Variants in SMCHD1 observed in about 807,000 individuals in gnomAD.
The protein encoded by SMCHD1 is structural maintenance of chromosomes flexible hinge domain-containing protein 1.
A neutral mutation model predicts 254.7 loss-of-function variants in SMCHD1; 78 were observed. That is an observed-to-expected ratio of 0.31 (90% CI 0.26 to 0.37). The LOEUF (loss-of-function observed/expected upper bound fraction) is 0.37, where lower values mean the gene tolerates loss of function less well. Ranked by LOEUF, SMCHD1 falls within the 10% of genes least tolerant of loss-of-function variation. The probability of loss-of-function intolerance (pLI) is 1.00; values close to 1 mark genes in which losing one functional copy is unlikely to be tolerated. For synonymous variants in SMCHD1, 766 were observed against 794.9 expected, an observed-to-expected ratio of 0.96 and a Z score of 0.61; for missense variants, 1,840 against 2,408.1, an observed-to-expected ratio of 0.76 and a Z score of 4.94.
intron 17 of SMCHD1, among the ~76,000 whole-genome samples, chr18:2,713,815 T>C (rs936595860): frequency 2.0e-5 from 3 of 152,258 alleles, no homozygotes; most frequent in Non-Finnish European, 4.4e-5. Flanking sequence ...TCTAGTTTTA[T>C]TCCACTATGG....
chr18:2,745,853 A>C (rs946696962), intron 29 of SMCHD1, among the ~76,000 whole-genome samples: 4 of 152,254 alleles, frequency 2.6e-5, no homozygotes, highest in African/African-American at 7.2e-5. Context: ...TTATATATAG[A>C]TGAGGCTAGA....
intron 45 of SMCHD1, among the ~76,000 whole-genome samples, chr18:2,788,431 C>T (rs2076271756): frequency 6.6e-6 from 1 of 152,026 alleles, no homozygotes. Flanking sequence ...TGTGTGTATT[C>T]GTTAGCACAT....
chr18:2,738,354 T>C (rs139785567), intron 25 of SMCHD1, 43 bp from the exon 26 acceptor site: 1 of 1,491,150 alleles, frequency 6.7e-7, no homozygotes, highest in Non-Finnish European at 9.0e-7. Flanking sequence ...AAGAGAACAT[T>C]AGACGAAGCT....
intron 25 of SMCHD1, 36 bp downstream of exon 25, chr18:2,732,528 CT>C: frequency 7.3e-7 from 1 of 1,369,064 alleles, no homozygotes; most frequent in Non-Finnish European, 1.0e-6. Flanking sequence ...TTTGTAAGAA[CT>C]TTTTAAATTT....
At chr18:2,682,504 T>C (rs1436041194) in intron 5 of SMCHD1, among the ~76,000 whole-genome samples, 1 of 152,120 alleles carries the variant, frequency 6.6e-6, no homozygotes, top group African/African-American at 2.4e-5. Flanking sequence ...GTACTTTTAG[T>C]AGAGGTGAGG....
intron 45 of SMCHD1, among the ~76,000 whole-genome samples, chr18:2,791,495 G>C (rs1363142222): frequency 6.6e-6 from 1 of 152,212 alleles, no homozygotes; most frequent in Admixed American, 6.5e-5. Flanking sequence ...TGTGAGCCGT[G>C]ATTGAGCTAC....
chr18:2,717,342 A>C (rs192213114), intron 17 of SMCHD1, among the ~76,000 whole-genome samples: 6 of 152,250 alleles, frequency 3.9e-5, no homozygotes, highest in Admixed American at 2.6e-4. Flanking sequence ...CAAAGTATCC[A>C]AAGTTTCTTT....
At position 2,748,370 on chromosome 18, in the gene SMCHD1, GTGTGTGTGTGTGTATA is replaced by G. The variant is rs1234808888; in HGVS notation, c.3927+725_3927+740del. On this transcript the variant is annotated intron_variant, in intron 30 of 47. Transcript: ENST00000320876. ...TGTGTGTGTGTGTGTGTGTGTGTGT[GTGTGTGTGTGTGTATA>G]TAAATTTTTTTTTTTTTTTTTTTGG... Among the ~76,000 whole-genome samples, 36 of 40,562 alleles carry G rather than the reference GTGTGTGTGTGTGTATA, an allele frequency of 8.9e-4. No homozygotes were observed. In the East Asian group the frequency reaches 0.023, roughly 25 times the overall value. The allele number at this position is 40,562 out of a possible 152,430, so 26.6% of individuals were successfully genotyped here.
Position 2,700,832 on chromosome 18 carries a change from G to A in SMCHD1, c.1561G>A (p.Val521Ile). 1 of 1,613,350 alleles carries A rather than the reference G, an allele frequency of 6.2e-7. No homozygotes were observed. The highest frequency in any genetic ancestry group is 8.5e-7 in the Non-Finnish European group (1 of 1,179,580). Residue 521 changes from valine to isoleucine, a missense_variant, in exon 12 of 48, where the codon GTC (valine) becomes ATC (isoleucine). Val to Ile is a conservative substitution (Grantham distance 29). Transcript: ENST00000320876. ...GALFTNDKFQVSTNKLTFMDL... is the reference protein window; with the variant it reads ...GALFTNDKFQISTNKLTFMDL... Reference sequence around the variant, plus strand: ...ATTATTCACTAATGACAAATTCCAGGTCAGCACAAATAAATTGACGTTTAT... The same window carrying A: ...ATTATTCACTAATGACAAATTCCAGATCAGCACAAATAAATTGACGTTTAT...
chr18:2,668,736 C>T (rs1318771775), intron 3 of SMCHD1, among the ~76,000 whole-genome samples: 4 of 152,126 alleles, frequency 2.6e-5, no homozygotes, highest in South Asian at 2.1e-4. Context: ...TCTGACCAGA[C>T]GTTTTCGCCT....
intron 7 of SMCHD1, among the ~76,000 whole-genome samples, chr18:2,693,119 T>A (rs888861407): frequency 1.2e-4 from 19 of 152,384 alleles, no homozygotes; most frequent in African/African-American, 4.6e-4. Context: ...AGACAAATTC[T>A]GAAAGAGCTG....
chr18:2,775,961 A>G, intron 42 of SMCHD1, 37 bp downstream of exon 42: 1 of 1,479,214 alleles, frequency 6.8e-7, no homozygotes, highest in Admixed American at 2.7e-5. Context: ...TTTCTGAAAT[A>G]TATTTTCTGT....
At chr18:2,701,526 G>A (rs1252555239) in intron 12 of SMCHD1, among the ~76,000 whole-genome samples, 1 of 152,114 alleles carries the variant, frequency 6.6e-6, no homozygotes, top group Non-Finnish European at 1.5e-5. Flanking sequence ...GAACATGTAT[G>A]AACAATTGTA....
At chr18:2,692,336 C>T (rs937505906) in intron 7 of SMCHD1, among the ~76,000 whole-genome samples, 1 of 152,104 alleles carries the variant, frequency 6.6e-6, no homozygotes, top group Non-Finnish European at 1.5e-5. Context: ...ATCTCTTGAG[C>T]CCAGGAGTTC....
intron 36 of SMCHD1, among the ~76,000 whole-genome samples, chr18:2,762,819 C>G (rs1310324796): frequency 2.6e-5 from 4 of 152,150 alleles, no homozygotes; most frequent in African/African-American, 9.7e-5. Flanking sequence ...CTTTACTCAC[C>G]TGTTTAGTGT....
chr18:2,672,745 G>A (rs946964067), intron 3 of SMCHD1, among the ~76,000 whole-genome samples: 3 of 152,308 alleles, frequency 2.0e-5, no homozygotes, highest in South Asian at 4.1e-4. Flanking sequence ...TAGCAGTTCT[G>A]TGTCAGTTGA....
At chr18:2,787,340 T>C (rs1326934576) in intron 45 of SMCHD1, among the ~76,000 whole-genome samples, 1 of 152,140 alleles carries the variant, frequency 6.6e-6, no homozygotes, top group Non-Finnish European at 1.5e-5. Context: ...AACACCACCA[T>C]ACCAGGGATC....
At chr18:2,797,441 C>G (rs1469973298) in intron 47 of SMCHD1, among the ~76,000 whole-genome samples, 2 of 152,110 alleles carry the variant, frequency 1.3e-5, no homozygotes, top group Non-Finnish European at 2.9e-5. Flanking sequence ...AGAGGAATTC[C>G]CTTGAAACTA....
At position 2,778,151 on chromosome 18, in the gene SMCHD1, AT is replaced by A. The variant is rs1249733086; in HGVS notation, c.5477-15del. 6.4e-7 allele frequency: 1 copy of A among 1,566,776 alleles called. No individual in the cohort carries two copies. The highest frequency in any genetic ancestry group is 8.7e-7 in the Non-Finnish European group (1 of 1,149,642). ...GAAAATATCATAATTTTCAAAATTC[AT>A]TTATTGACTTTTTTAGTATTTGGTA... On this transcript the variant is annotated splice_polypyrimidine_tract_variant and intron_variant, in intron 43 of 47. Coordinates refer to ENST00000320876, the MANE Select transcript of SMCHD1 (RefSeq NM_015295.3).
Sources: gnomAD v4.1 joint callset for allele counts (sites outside exome capture counted in the v4.1 genomes callset) on GRCh38, gnomAD v4.1.1 for gene constraint, MANE v1.5 for transcripts, NCBI Gene and HGNC (gene_info 2026-07-23, HGNC 2026-07-21) for gene names.